LNX1: variants seen among roughly 807,000 people sequenced by gnomAD.
LNX1 encodes ligand of numb-protein X 1.
LNX1 carries 54 observed loss-of-function variants against 68.4 expected under a neutral mutation model. The observed-to-expected ratio is 0.79, with a 90% CI of 0.63 to 0.99. The LOEUF is 0.99. Ranked by LOEUF, LNX1 falls within the 50% of genes least tolerant of loss-of-function variation. The probability of loss-of-function intolerance (pLI) is 0.00; values close to 1 mark genes in which losing one functional copy is unlikely to be tolerated. For missense variants in LNX1, 906 were observed against 926.4 expected (o/e 0.98, Z 0.29); for synonymous variants, 336 against 350.0 (o/e 0.96, Z 0.45).
chr4:53,520,233 G>T (rs1316610713), intron 2 of LNX1, among the ~76,000 whole-genome samples: 1 of 152,122 alleles, frequency 6.6e-6, no homozygotes, highest in Admixed American at 6.5e-5. Flanking sequence ...GCAGTTGCAG[G>T]GCTTCCCAGG....
chr4:53,471,666 A>T (rs1271214164), intron 9 of LNX1, among the ~76,000 whole-genome samples: 1 of 152,220 alleles, frequency 6.6e-6, no homozygotes, highest in East Asian at 1.9e-4. Context: ...CCCATCAAAA[A>T]GTGGGGAAAG....
intron 2 of LNX1, among the ~76,000 whole-genome samples, chr4:53,557,584 A>C (rs1730003053): frequency 6.6e-6 from 1 of 151,804 alleles, no homozygotes; most frequent in African/African-American, 2.4e-5. Context: ...GAAGGAAGAG[A>C]AGTTACATCT....
intron 8 of LNX1, 78 bp downstream of exon 8, chr4:53,478,485 GAA>G: frequency 6.3e-6 from 8 of 1,271,260 alleles, no homozygotes; most frequent in Non-Finnish European, 8.7e-6. Flanking sequence ...CATTAATTTT[GAA>G]AATAGTCACC....
chr4:53,558,069 A>T, intron 2 of LNX1: 1 of 1,535,454 alleles, frequency 6.5e-7, no homozygotes, highest in East Asian at 2.4e-5. Flanking sequence ...CCCCACAATC[A>T]GTAGATCACA....
chr4:53,592,685 A>G (rs1484370167), upstream of LNX1, among the ~76,000 whole-genome samples: 2 of 152,072 alleles, frequency 1.3e-5, no homozygotes, highest in Non-Finnish European at 2.9e-5. Context: ...GATTTTGGGA[A>G]TGCTTTTGTT....
chr4:53,471,309 T>C (rs1288920600), intron 9 of LNX1, among the ~76,000 whole-genome samples: 1 of 151,918 alleles, frequency 6.6e-6, no homozygotes, highest in Non-Finnish European at 1.5e-5. Flanking sequence ...TGAAACTGGA[T>C]CCCTTCCTTA....
chr4:53,626,550 A>G (rs1403073987), intron 1 of LNX1, among the ~76,000 whole-genome samples: 2 of 152,210 alleles, frequency 1.3e-5, no homozygotes, highest in East Asian at 3.8e-4. Context: ...AGCATTTTGA[A>G]AAGATCACCT....
chr4:53,625,216 A>G (rs1394366195), intron 1 of LNX1, among the ~76,000 whole-genome samples: 1 of 152,176 alleles, frequency 6.6e-6, no homozygotes, highest in Admixed American at 6.5e-5. Context: ...AAGAAAAAAT[A>G]AATTGGTTTT....
intron 2 of LNX1, among the ~76,000 whole-genome samples, chr4:53,538,932 C>T (rs1053678157): frequency 1.3e-5 from 2 of 152,158 alleles, no homozygotes; most frequent in Non-Finnish European, 2.9e-5. Flanking sequence ...GCCAAATGGC[C>T]GATTAACAGT....
At chr4:53,464,705 A>G (rs1722535280) in intron 9 of LNX1, among the ~76,000 whole-genome samples, 1 of 152,152 alleles carries the variant, frequency 6.6e-6, no homozygotes, top group Non-Finnish European at 1.5e-5. Context: ...GGATAACTAA[A>G]CCATTTTCTA....
At chr4:53,623,880 A>G (rs1229370334) in intron 1 of LNX1, among the ~76,000 whole-genome samples, 1 of 152,212 alleles carries the variant, frequency 6.6e-6, no homozygotes, top group Non-Finnish European at 1.5e-5. Context: ...AGTTAAACCC[A>G]GGTCTGTCTG....
At chr4:53,485,790 G>A (rs1724249541) in intron 6 of LNX1, among the ~76,000 whole-genome samples, 1 of 152,174 alleles carries the variant, frequency 6.6e-6, no homozygotes, top group Non-Finnish European at 1.5e-5. Flanking sequence ...TGTGGTGTGA[G>A]TGTGAGGAGG....
chr4:53,466,694 C>T (rs200779003), intron 9 of LNX1, among the ~76,000 whole-genome samples: 6 of 152,224 alleles, frequency 3.9e-5, no homozygotes, highest in Non-Finnish European at 5.9e-5. Context: ...GATTATATCC[C>T]GCACCTGGCT....
chr4:53,472,433 C>T (rs1329397391), intron 9 of LNX1, among the ~76,000 whole-genome samples: 1 of 151,660 alleles, frequency 6.6e-6, no homozygotes, highest in African/African-American at 2.4e-5. Context: ...CACATGTATA[C>T]ATATGTAACT....
intron 1 of LNX1, among the ~76,000 whole-genome samples, chr4:53,638,954 C>T (rs971257062): frequency 6.6e-6 from 1 of 152,174 alleles, no homozygotes; most frequent in Admixed American, 6.5e-5. Flanking sequence ...TGAAACAGAA[C>T]TAACATTTGA....
intron 6 of LNX1, among the ~76,000 whole-genome samples, chr4:53,495,481 C>T (rs1429864556): frequency 6.6e-6 from 1 of 151,656 alleles, no homozygotes; most frequent in African/African-American, 2.4e-5. Context: ...TTCGAAGTCA[C>T]CTGGACTTAG....
chr4:53,590,022 G>A (rs545577204), intron 1 of LNX1, among the ~76,000 whole-genome samples: 22 of 152,284 alleles, frequency 1.4e-4, no homozygotes, highest in African/African-American at 5.3e-4. Context: ...TTTATCAGAA[G>A]ATCCAAGCTT....
upstream of LNX1, among the ~76,000 whole-genome samples, chr4:53,622,173 G>A (rs1733906488): frequency 6.6e-6 from 1 of 152,118 alleles, no homozygotes; most frequent in Non-Finnish European, 1.5e-5. Context: ...TTCCTAAGAA[G>A]GAAACTGTTG....
Position 53,569,677 on chromosome 4 carries a change from C to T in LNX1, c.380+3946G>A, listed in dbSNP as rs1002628554. Among the ~76,000 whole-genome samples the T allele has an allele frequency of 7.1e-4, 108 of 151,340 alleles. 1 individual carries two copies. The highest frequency in any genetic ancestry group is 2.5e-3 in the African/African-American group (103 of 41,212). Reference sequence around the variant, plus strand: ...AATTGAGAAATGGGATCTAATTAAACTAAAGAGCTTCTGCACAGCAAAAGA... The same window carrying T: ...AATTGAGAAATGGGATCTAATTAAATTAAAGAGCTTCTGCACAGCAAAAGA... On this transcript the variant is annotated intron_variant, in intron 2 of 10. Transcript: ENST00000263925.
Sources: gnomAD v4.1 joint callset for allele counts (sites outside exome capture counted in the v4.1 genomes callset) on GRCh38, gnomAD v4.1.1 for gene constraint, MANE v1.5 for transcripts, NCBI Gene and HGNC (gene_info 2026-07-23, HGNC 2026-07-21) for gene names.